TRAK2: variants seen among roughly 807,000 people sequenced by gnomAD.
TRAK2 encodes trafficking kinesin protein 2, also known as trafficking kinesin-binding protein 2.
Under a neutral mutation model 104.6 loss-of-function variants are expected in TRAK2, and 81 were observed. The observed-to-expected ratio is 0.77, with a 90% CI of 0.65 to 0.93. TRAK2 has a LOEUF of 0.93. TRAK2 is among the 40% of genes least tolerant of loss of function. The pLI is 0.00. For synonymous variants in TRAK2, 406 were observed against 394.4 expected (o/e 1.03, Z -0.35); for missense variants, 1,002 against 1,089.0 (o/e 0.92, Z 1.12).
intron 1 of TRAK2, among the ~76,000 whole-genome samples, chr2:201,436,520 T>G (rs1167803310): frequency 6.6e-6 from 1 of 152,178 alleles, no homozygotes; most frequent in Non-Finnish European, 1.5e-5. Context: ...TCTTCAGAAT[T>G]TATCCTCAAA....
intron 2 of TRAK2, among the ~76,000 whole-genome samples, chr2:201,418,710 T>C (rs948453399): frequency 3.3e-5 from 5 of 152,090 alleles, no homozygotes; most frequent in Admixed American, 6.5e-5. Flanking sequence ...AAATATCCAA[T>C]TGGAAAGCAA....
chr2:201,436,959 ATACC>A lies in TRAK2; in HGVS notation c.-200+14387_-200+14390del, dbSNP rs1389606071. ...CTAGAATTATCTGCATATTAAAGAC[ATACC>A]TATTTTAGTAATGTAATTCTACTAG... On this transcript the variant is annotated intron_variant, in intron 1 of 15. Coordinates refer to ENST00000332624, the MANE Select transcript of TRAK2 (RefSeq NM_015049.3). 3.3e-5 allele frequency among the ~76,000 whole-genome samples: 5 copies of A among 152,302 alleles called. No homozygotes were observed. The East Asian group carries it at 7.7e-4, about 23-fold the overall frequency.
At chr2:201,424,800 G>C (rs1298410068) in intron 1 of TRAK2, among the ~76,000 whole-genome samples, 1 of 151,786 alleles carries the variant, frequency 6.6e-6, no homozygotes, top group Non-Finnish European at 1.5e-5. Flanking sequence ...GTAGAGACGG[G>C]GTTTCACTGT....
chr2:201,387,103 G>C (rs961310317), intron 13 of TRAK2, among the ~76,000 whole-genome samples: 1 of 152,184 alleles, frequency 6.6e-6, no homozygotes, highest in African/African-American at 2.4e-5. Context: ...CTTTGAGTTT[G>C]AGGGGTCTTT....
intron 7 of TRAK2, among the ~76,000 whole-genome samples, chr2:201,396,837 G>T (rs7571761): frequency 0.57 from 86,671 of 151,898 alleles, 25,998 homozygotes; most frequent in South Asian, 0.68. Context: ...ATTTCATCAC[G>T]CTACTCAGAA....
At chr2:201,397,731 C>T (rs1024884934) in intron 6 of TRAK2, 151 bp from the exon 7 acceptor site, 1 of 593,884 alleles carries the variant, frequency 1.7e-6, no homozygotes, top group African/African-American at 1.9e-5. Flanking sequence ...CCTGGCTCAT[C>T]CCTGGCCTTG....
At chr2:201,423,748 T>C (rs1951762955) in intron 1 of TRAK2, 1 of 152,196 alleles carries the variant, frequency 6.6e-6, no homozygotes, top group Admixed American at 6.5e-5. Context: ...AACTAAGTAC[T>C]GTACTATATA....
chr2:201,411,139 T>C (rs762554856), intron 2 of TRAK2: 11 of 809,458 alleles, frequency 1.4e-5, no homozygotes, highest in Non-Finnish European at 2.1e-5. Flanking sequence ...ACAGAAAGGC[T>C]AGTCAAAGAT....
intron 9 of TRAK2, among the ~76,000 whole-genome samples, chr2:201,393,860 AC>A (rs1421785415): frequency 6.6e-6 from 1 of 152,042 alleles, no homozygotes; most frequent in African/African-American, 2.4e-5. Context: ...TGATCCTTCT[AC>A]CTCAGCCTCT....
intron 1 of TRAK2, among the ~76,000 whole-genome samples, chr2:201,429,796 G>A (rs1342966210): frequency 2.0e-5 from 3 of 152,118 alleles, no homozygotes; most frequent in African/African-American, 7.2e-5. Flanking sequence ...GCTTCTTTGC[G>A]ATGGGTTCAA....
chr2:201,434,491 A>T (rs1308466714), intron 1 of TRAK2, among the ~76,000 whole-genome samples: 1 of 152,126 alleles, frequency 6.6e-6, no homozygotes, highest in Non-Finnish European at 1.5e-5. Context: ...GCACAGCTAA[A>T]TCCCTTGCTC....
chr2:201,393,123 GA>G (rs1951463278), intron 9 of TRAK2, 77 bp from the exon 10 acceptor site: 6 of 1,452,904 alleles, frequency 4.1e-6, no homozygotes, highest in East Asian at 2.3e-5. Flanking sequence ...AACCTTTTGG[GA>G]TAAGTATTGA....
chr2:201,409,242 C>A (rs368301425), intron 2 of TRAK2, among the ~76,000 whole-genome samples: 1 of 150,958 alleles, frequency 6.6e-6, no homozygotes, highest in East Asian at 1.9e-4. Flanking sequence ...TAGTACAATG[C>A]GCCTTGCACA....
rs1409087050 is a variant in TRAK2, at chr2:201,388,039, A to T, written c.1398-38T>A. ...CGCGTTCACTGATTAGATCTTGAGG[A>T]TCATCAGCATGACCCAGACCTCTCC... On this transcript the variant is annotated intron_variant, in intron 12 of 15. Coordinates refer to ENST00000332624, the MANE Select transcript of TRAK2 (RefSeq NM_015049.3). The T allele has an allele frequency of 1.9e-6, 3 of 1,598,770 alleles. No homozygotes were observed. The South Asian group carries it at 3.3e-5, about 18-fold the overall frequency.
At chr2:201,429,422 G>A (rs1409810095) in intron 1 of TRAK2, among the ~76,000 whole-genome samples, 1 of 152,198 alleles carries the variant, frequency 6.6e-6, no homozygotes, top group African/African-American at 2.4e-5. Context: ...TTGCTAGGTT[G>A]GGGAAGTTCT....
At chr2:201,411,609 T>A (rs755036644) in intron 2 of TRAK2, 3 of 793,760 alleles carry the variant, frequency 3.8e-6, no homozygotes, top group Non-Finnish European at 6.9e-6. Flanking sequence ...GGGAATAAGA[T>A]GAGGCAATAC....
Position 201,389,310 on chromosome 2 carries a change from C to T in TRAK2, c.1387G>A (p.Glu463Lys), listed in dbSNP as rs772435166. Residue 463 changes from glutamate to lysine, a missense_variant, in exon 12 of 16, where the codon GAG becomes AAG. By Grantham distance (56) the Glu-to-Lys change is moderately conservative (BLOSUM62 1). Transcript: ENST00000332624. ...TCATCGGATTCCTACCCTGCAACCT[C>T]CTCTGAGCTGCTCCCCTGGTTCAGG... ...SLLNQGSSSE[E>K]VAGSSQKMGQ... is the part of the protein sequence containing the mutation. 20 of 1,614,046 alleles carry T rather than the reference C, an allele frequency of 1.2e-5. No individual in the cohort carries two copies. The highest frequency in any genetic ancestry group is 1.6e-5 in the Non-Finnish European group (19 of 1,180,032).
At chr2:201,451,130 C>T (rs1012442455) in intron 1 of TRAK2, among the ~76,000 whole-genome samples, 16 of 152,224 alleles carry the variant, frequency 1.1e-4, no homozygotes, top group Admixed American at 3.3e-4. Context: ...GGGCTGAATA[C>T]CGACGCCAGC....
At chr2:201,418,734 GGACCCA>G (rs1951714686) in intron 2 of TRAK2, among the ~76,000 whole-genome samples, 1 of 152,040 alleles carries the variant, frequency 6.6e-6, no homozygotes, top group Non-Finnish European at 1.5e-5. Flanking sequence ...ACAAAAACTT[GGACCCA>G]AACCTAATTC....
Sources: allele counts gnomAD v4.1 joint callset (sites outside exome capture counted in the v4.1 genomes callset), GRCh38; gene constraint gnomAD v4.1.1; transcripts MANE v1.5; gene names NCBI Gene and HGNC (gene_info 2026-07-23, HGNC 2026-07-21).